The following PABIR3 variants were observed in gnomAD, a reference collection of about 807,000 sequenced individuals.
PABIR3 encodes the protein PABIR family member 1.
Under a neutral mutation model 23.1 loss-of-function variants are expected in PABIR3, and 20 were observed. The ratio of observed to expected loss-of-function variants is 0.86; its 90% CI spans 0.61 to 1.26. The LOEUF is 1.26. Ranked by LOEUF, PABIR3 falls within the 50% of genes most tolerant of loss-of-function variation. The pLI, the probability that PABIR3 is intolerant of heterozygous loss-of-function variation, is 0.00. For synonymous variants in PABIR3, 69 were observed against 68.5 expected (o/e 1.01, Z -0.04); for missense variants, 189 against 195.4 (o/e 0.97, Z 0.20).
At chrX:134,821,269 T>G in intron 3 of PABIR3, 2 of 696,436 alleles carry the variant, frequency 2.9e-6, no homozygotes, top group Non-Finnish European at 3.9e-6. Flanking sequence ...AAAAAAAAAC[T>G]GTTCCCTCAC....
chrX:134,812,778 A>G (rs1252434352), intron 2 of PABIR3, among the ~76,000 whole-genome samples: 1 of 110,967 alleles, frequency 9.0e-6, no homozygotes, highest in Admixed American at 9.7e-5. Flanking sequence ...AATGGTTGGG[A>G]TAGTATTTTA....
intron 6 of PABIR3, among the ~76,000 whole-genome samples, chrX:134,846,395 A>G (rs977651862): frequency 4.5e-5 from 5 of 112,078 alleles, no homozygotes; most frequent in African/African-American, 1.6e-4. Context: ...TAATTTAAAC[A>G]TACTTAGAAT....
chrX:134,807,815 TA>T, intron 2 of PABIR3, 107 bp downstream of exon 2: 3 of 852,610 alleles, frequency 3.5e-6, no homozygotes, highest in Non-Finnish European at 4.8e-6. Context: ...GTTCTGCAGG[TA>T]ACTCCCTTGT....
chrX:134,818,805 T>C (rs963954889), intron 3 of PABIR3, among the ~76,000 whole-genome samples: 1 of 111,127 alleles, frequency 9.0e-6, no homozygotes, highest in African/African-American at 3.3e-5. Context: ...AAATGCTCAA[T>C]AAATATGTGG....
Position 134,852,796 on chromosome X carries a change from A to G in PABIR3, c.590-4A>G. On this transcript the variant is annotated splice_region_variant and splice_polypyrimidine_tract_variant and intron_variant, in intron 9 of 10. Coordinates refer to ENST00000645433, the MANE Select transcript of PABIR3 (RefSeq NM_001388447.1). ...ATCTACCTTGATCTGCTGTATTGTC[A>G]TAGGTGAAATGGCATTTCAATATCA... 3.6e-6 allele frequency: 4 copies of G among 1,104,689 alleles called. No homozygotes were observed. Among genetic ancestry groups the G allele is most frequent in the Non-Finnish European group, 4.8e-6 (4 of 838,613 alleles). 91.0% of individuals were successfully genotyped at this position (1,104,689 alleles called of 1,213,427 possible).
At chrX:134,838,921 C>G (rs2082087608) in intron 4 of PABIR3, 1 of 112,875 alleles carries the variant, frequency 8.9e-6, no homozygotes. Flanking sequence ...GTCTCCAGCT[C>G]CTAACCGCAA....
intron 3 of PABIR3, among the ~76,000 whole-genome samples, chrX:134,826,968 T>C: frequency 9.0e-6 from 1 of 111,597 alleles, no homozygotes; most frequent in African/African-American, 3.3e-5. Flanking sequence ...ATTTATTTAT[T>C]TATTTATTTG....
chrX:134,799,976 C>T (rs2080018572), intron 1 of PABIR3: 1 of 106,007 alleles, frequency 9.4e-6, no homozygotes, highest in African/African-American at 3.5e-5. Flanking sequence ...AAAATCCTTT[C>T]TCATATAAAA....
At chrX:134,832,396 T>G (rs1194198697) in intron 4 of PABIR3, among the ~76,000 whole-genome samples, 2 of 53,219 alleles carry the variant, frequency 3.8e-5, no homozygotes, top group Non-Finnish European at 6.8e-5. Flanking sequence ...CTGGATCCCT[T>G]TTTTTTTTTT....
chrX:134,823,858 G>A (rs184128006), intron 3 of PABIR3, among the ~76,000 whole-genome samples: 44 of 110,201 alleles, frequency 4.0e-4, no homozygotes, highest in Middle Eastern at 4.6e-3. Flanking sequence ...GCAATATTTG[G>A]GGTTCAAAGT....
At chrX:134,825,064 A>C (rs1055493517) in intron 3 of PABIR3, among the ~76,000 whole-genome samples, 4 of 111,566 alleles carry the variant, frequency 3.6e-5, no homozygotes, top group Non-Finnish European at 7.5e-5. Context: ...GAGAGGCTGC[A>C]CTTGTGTGAG....
At chrX:134,817,170 A>AAAAC (rs748627272) in intron 3 of PABIR3, among the ~76,000 whole-genome samples, 3 of 111,651 alleles carry the variant, frequency 2.7e-5, no homozygotes, top group Admixed American at 9.6e-5. Context: ...ACTTTCTCTC[A>AAAAC]AAACAAACAA....
the PABIR3 span, among the ~76,000 whole-genome samples, chrX:134,860,503 G>A: frequency 9.0e-6 from 1 of 111,552 alleles, no homozygotes; most frequent in Admixed American, 9.6e-5. Context: ...AATTTACTGT[G>A]GTGGAGTCCT....
intron 10 of PABIR3, among the ~76,000 whole-genome samples, chrX:134,853,347 C>T (rs1284084494): frequency 3.6e-5 from 4 of 111,930 alleles, no homozygotes; most frequent in African/African-American, 9.7e-5. Flanking sequence ...GGATTACAGG[C>T]GTGAGTCACG....
chrX:134,862,685 A>G, the PABIR3 span, among the ~76,000 whole-genome samples: 10 of 111,476 alleles, frequency 9.0e-5, no homozygotes, highest in African/African-American at 3.3e-4. Context: ...TATTTTAGAA[A>G]CTCATATGCA....
intron 1 of PABIR3, among the ~76,000 whole-genome samples, chrX:134,801,978 G>A (rs1485622459): frequency 9.1e-6 from 1 of 109,673 alleles, no homozygotes; most frequent in Non-Finnish European, 1.9e-5. Flanking sequence ...AGCTGCCGGG[G>A]ACTAACGTCT....
At chrX:134,847,524 A>C in intron 7 of PABIR3, 49 bp downstream of exon 7, 3 of 929,349 alleles carry the variant, frequency 3.2e-6, no homozygotes, top group South Asian at 2.1e-5. Flanking sequence ...TAGTTAGGAA[A>C]TATTTAGGAA....
chrX:134,823,588 T>C (rs925942635), intron 3 of PABIR3, among the ~76,000 whole-genome samples: 1 of 112,031 alleles, frequency 8.9e-6, no homozygotes, highest in East Asian at 2.8e-4. Context: ...CATACACGTA[T>C]ACATATATAT....
chrX:134,821,369 C>T, intron 3 of PABIR3: 6 of 1,153,486 alleles, frequency 5.2e-6, no homozygotes, highest in Non-Finnish European at 5.7e-6. Flanking sequence ...GCCCAAAGAC[C>T]TCTTCTGACC....
Sources: gnomAD v4.1 joint callset for allele counts (sites outside exome capture counted in the v4.1 genomes callset) on GRCh38, gnomAD v4.1.1 for gene constraint, MANE v1.5 for transcripts, NCBI Gene and HGNC (gene_info 2026-07-23, HGNC 2026-07-21) for gene names.